PARP6: variants seen among roughly 807,000 people sequenced by gnomAD.
PARP6 encodes protein mono-ADP-ribosyltransferase PARP6.
In PARP6, 27 loss-of-function variants were observed where a neutral mutation model predicts 92.0. That is an observed-to-expected ratio of 0.29 (90% confidence interval 0.22 to 0.40). The LOEUF is 0.40. Among genes scored for constraint, PARP6 ranks in the 10% least tolerant of loss-of-function variants. The pLI, the probability that PARP6 is intolerant of heterozygous loss-of-function variation, is 1.00. For missense variants in PARP6, 501 were observed against 784.5 expected, an observed-to-expected ratio of 0.64 and a Z score of 4.32; for synonymous variants, 272 against 281.2, an observed-to-expected ratio of 0.97 and a Z score of 0.33.
In PARP6 at chr15:72,265,142, G is replaced by A; in HGVS notation, c.267C>T (p.Leu89=). The part of the protein sequence containing the change: ...DEEVSTAWKV[L]RTEPIVLRLR... Reference sequence around the variant, plus strand: ...GCCTCAACACAATAGGTTCTGTCCGGAGGACCTTCCAGGCTGTAGAGACTT... The same window carrying A: ...GCCTCAACACAATAGGTTCTGTCCGAAGGACCTTCCAGGCTGTAGAGACTT... Residue 89 remains leucine (L), a synonymous_variant, in exon 7 of 24, where the codon CTC becomes CTT. Coordinates refer to ENST00000569795, the MANE Select transcript of PARP6 (RefSeq NM_001323532.2). The A allele has an allele frequency of 6.2e-7, 1 of 1,613,226 alleles. No homozygotes were observed. The highest frequency in any genetic ancestry group is 8.5e-7 in the Non-Finnish European group (1 of 1,179,220).
At position 72,271,102 on chromosome 15, in the gene PARP6, G is replaced by C. The variant is rs1048516926; in HGVS notation, c.-274C>G. On this transcript the variant is annotated 5_prime_UTR_variant, in exon 2 of 24. In the 5' UTR this introduces an upstream ATG that the reference lacks. Coordinates refer to ENST00000569795, the MANE Select transcript of PARP6 (RefSeq NM_001323532.2). The stretch of plus-strand genomic sequence containing the variant: ...ATTTGAAAATAAACAGTCAAGTGCT[G>C]ATCTGGATGATCACAGAGGAATAAA... 1.3e-5 allele frequency: 2 copies of C among 152,174 alleles called. No homozygotes were observed. The highest frequency in any genetic ancestry group is 6.5e-5 in the Admixed American group (1 of 15,286). 9.4% of individuals were successfully genotyped at this position (152,174 alleles called of 1,614,324 possible). A position where few individuals can be genotyped will look rare whatever the true frequency, so the allele number is the denominator to read the frequency against.
chr15:72,272,037 C>T (rs1458425158), intron 1 of PARP6, among the ~76,000 whole-genome samples: 5 of 152,302 alleles, frequency 3.3e-5, no homozygotes, highest in East Asian at 1.9e-4. Flanking sequence ...TCCACTCCAT[C>T]CCGTGTGCTC....
chr15:72,248,041 G>T (rs967270425), intron 20 of PARP6, among the ~76,000 whole-genome samples: 1 of 152,202 alleles, frequency 6.6e-6, no homozygotes, highest in African/African-American at 2.4e-5. Flanking sequence ...AAAGTACTGG[G>T]ATTACACGTG....
intron 16 of PARP6, among the ~76,000 whole-genome samples, chr15:72,251,992 G>A (rs550452503): frequency 5.3e-4 from 81 of 152,308 alleles, no homozygotes; most frequent in African/African-American, 1.8e-3. Flanking sequence ...TATTCCTCAG[G>A]CTAAGAGGGA....
At chr15:72,267,010 T>C (rs12439580) in intron 3 of PARP6, 188 bp from the exon 4 acceptor site, 23,804 of 577,724 alleles carry the variant, frequency 0.041, 1,101 homozygotes, top group East Asian at 0.2. Flanking sequence ...GATATGATCA[T>C]ATCCATAAAC....
At chr15:72,263,023 G>A (rs1015497634) in intron 8 of PARP6, among the ~76,000 whole-genome samples, 2 of 152,024 alleles carry the variant, frequency 1.3e-5, no homozygotes, top group African/African-American at 4.8e-5. Flanking sequence ...CATATACTCT[G>A]GTAAGTAGCA....
intron 1 of PARP6, 118 bp from the exon 2 acceptor site, chr15:72,271,405 CTACTCTCAATGCCCTT>C (rs1353280402): frequency 6.6e-6 from 1 of 152,184 alleles, no homozygotes; most frequent in East Asian, 1.9e-4. Flanking sequence ...CTTGCTTCCT[CTACTCTCAATGCCCTT>C]TCCTCTGGAG....
In PARP6 at chr15:72,265,770, G is replaced by A. The variant is rs1362667804; in HGVS notation, c.176+127C>T. On this transcript the variant is annotated intron_variant, in intron 5 of 23. Coordinates refer to ENST00000569795, the MANE Select transcript of PARP6 (RefSeq NM_001323532.2). ...ACTCTCAGCCAAGCTCATTTATTCT[G>A]AGCATTTTCTATCATTAAGTTCATA... The A allele has an allele frequency of 1.1e-5, 8 of 715,294 alleles. No homozygotes were observed. In the African/African-American group the frequency reaches 1.4e-4, roughly 13 times the overall value. 44.3% of individuals were successfully genotyped at this position (715,294 alleles called of 1,614,324 possible). A position where few individuals can be genotyped will look rare whatever the true frequency, so the allele number is the denominator to read the frequency against.
At chr15:72,268,241 G>A (rs1038048425) in intron 2 of PARP6, among the ~76,000 whole-genome samples, 3 of 152,202 alleles carry the variant, frequency 2.0e-5, no homozygotes, top group Non-Finnish European at 4.4e-5. Context: ...AGCTCATAAT[G>A]TTACAACTCC....
chr15:72,247,171 T>C (rs548458686), intron 20 of PARP6, among the ~76,000 whole-genome samples: 1 of 152,222 alleles, frequency 6.6e-6, no homozygotes, highest in Admixed American at 6.5e-5. Flanking sequence ...AGAATATAAG[T>C]TTTAAATTTT....
chr15:72,246,053 GCA>G (rs1281191147), intron 20 of PARP6, among the ~76,000 whole-genome samples: 4 of 152,216 alleles, frequency 2.6e-5, no homozygotes, highest in African/African-American at 9.6e-5. Context: ...TGGATGCCAG[GCA>G]CACAGAGTAA....
chr15:72,259,587 T>C, intron 11 of PARP6, 21 bp downstream of exon 11: 1 of 1,611,680 alleles, frequency 6.2e-7, no homozygotes. Flanking sequence ...GGCTTCGGAG[T>C]GACAATTTTG....
Position 72,265,109 on chromosome 15 carries a change from A to C in PARP6, c.300T>G (p.Phe100Leu). The C allele has an allele frequency of 6.2e-7, 1 of 1,613,776 alleles. No homozygotes were observed. Among genetic ancestry groups the C allele is most frequent in the Non-Finnish European group, 8.5e-7 (1 of 1,179,698 alleles). Reference protein sequence around the residue: ...RTEPIVLRLRFSLSQYLDGPE... With the variant: ...RTEPIVLRLRLSLSQYLDGPE... The stretch of plus-strand genomic sequence containing the variant: ...GTCCATCTAGGTACTGGGAGAGAGA[A>C]AATCGCAGCCTCAACACAATAGGTT... The change falls in exon 7 of 24, where the codon TTT (phenylalanine) becomes TTG (leucine). Residue 100 changes from phenylalanine (F) to leucine (L), a missense_variant. By Grantham distance (22) the Phe-to-Leu change is conservative. This residue lies in a region of PARP6 where 291 missense variants were observed against 352.0 expected (regional missense o/e 0.83). Coordinates refer to ENST00000569795, the MANE Select transcript of PARP6 (RefSeq NM_001323532.2).
chr15:72,262,714 CTCTTA>C (rs532320089), intron 8 of PARP6, among the ~76,000 whole-genome samples: 59 of 152,296 alleles, frequency 3.9e-4, no homozygotes, highest in African/African-American at 1.3e-3. Flanking sequence ...CCAGGTTCTT[CTCTTA>C]TCTTCTCTGG....
Position 72,251,330 on chromosome 15 carries a change from C to A in PARP6, c.1260-75G>T, listed in dbSNP as rs1318284128. On this transcript the variant is annotated intron_variant, in intron 16 of 23. Coordinates refer to ENST00000569795, the MANE Select transcript of PARP6 (RefSeq NM_001323532.2). Reference sequence around the variant, plus strand: ...AGCTATCCTTTCTGAACAAGCCAGTCTTCCTCTGCCTTTGGGAGAATAAAC... The same window carrying A: ...AGCTATCCTTTCTGAACAAGCCAGTATTCCTCTGCCTTTGGGAGAATAAAC... The A allele has an allele frequency of 7.0e-6, 6 of 853,160 alleles. No homozygotes were observed. In the Admixed American group the frequency reaches 1.3e-4, roughly 19 times the overall value. The allele number at this position is 853,160 out of a possible 1,614,324, so 52.8% of individuals were successfully genotyped here. A position where few individuals can be genotyped will look rare whatever the true frequency, so the allele number is the denominator to read the frequency against.
rs2085354830 is a variant in PARP6, at chr15:72,258,034, T to C, written c.906+3A>G. On this transcript the variant is annotated splice_donor_region_variant and intron_variant, in intron 12 of 23. Coordinates refer to ENST00000569795, the MANE Select transcript of PARP6 (RefSeq NM_001323532.2). ...AAGAGGGTCATAGAGTACGGTCCTA[T>C]ACCTTCAGCATAGATCCATTTTGGA... 1 of 1,602,884 alleles carries C rather than the reference T, an allele frequency of 6.2e-7. No homozygotes were observed. Among genetic ancestry groups the C allele is most frequent in the Non-Finnish European group, 8.5e-7 (1 of 1,169,750 alleles).
At chr15:72,258,667 AT>A (rs1376081096) in intron 11 of PARP6, among the ~76,000 whole-genome samples, 3 of 152,214 alleles carry the variant, frequency 2.0e-5, no homozygotes, top group African/African-American at 7.2e-5. Context: ...ACTACAGACA[AT>A]TCTGTGCTAG....
Position 72,242,932 on chromosome 15 carries a change from G to A in PARP6, c.1562-233C>T, listed in dbSNP as rs2083219137. ...AGAGCATGGTGTGAGCCTAGAGGAG[G>A]GCAACTAGCCTAGCCTAAGAGTTTA... On this transcript the variant is annotated intron_variant, in intron 20 of 23. Coordinates refer to ENST00000569795, the MANE Select transcript of PARP6 (RefSeq NM_001323532.2). This position sits in a 1 kb window ranked among gnomAD's most constrained non-coding sequence, Gnocchi z 4.3. 2.0e-6 allele frequency: 1 copy of A among 492,576 alleles called. No homozygotes were observed. Among genetic ancestry groups the A allele is most frequent in the Admixed American group, 3.8e-5 (1 of 26,552 alleles). The allele number at this position is 492,576 out of a possible 1,614,324, so 30.5% of individuals were successfully genotyped here. A position where few individuals can be genotyped will look rare whatever the true frequency, so the allele number is the denominator to read the frequency against.
intron 17 of PARP6, 104 bp downstream of exon 17, chr15:72,251,103 G>A: frequency 1.0e-6 from 1 of 984,960 alleles, no homozygotes; most frequent in Non-Finnish European, 1.6e-6. Context: ...TTGATGGACA[G>A]AGCAATGTAG....
Sources: allele counts gnomAD v4.1 joint callset (sites outside exome capture counted in the v4.1 genomes callset), GRCh38; gene constraint gnomAD v4.1.1; regional missense constraint gnomAD v4.1.1; non-coding constraint Gnocchi (gnomAD v3.1); transcripts MANE v1.5; gene names NCBI Gene and HGNC (gene_info 2026-07-23, HGNC 2026-07-21).